EXOC6: variants seen among roughly 807,000 people sequenced by gnomAD.
The protein encoded by EXOC6 is exocyst complex component 6, also known as SEC15-like 1.
In EXOC6, 60 loss-of-function variants were observed where a neutral mutation model predicts 112.5. That is an observed-to-expected ratio of 0.53 (90% CI 0.43 to 0.66). The LOEUF (loss-of-function observed/expected upper bound fraction) is 0.66, where lower values mean the gene tolerates loss of function less well. EXOC6 is among the 30% of genes least tolerant of loss of function. EXOC6 has a pLI of 0.00. For synonymous variants in EXOC6, 295 were observed against 308.0 expected (o/e 0.96, Z 0.44); for missense variants, 855 against 957.1 (o/e 0.89, Z 1.41).
chr10:92,858,591 A>G (rs11814743), intron 1 of EXOC6, among the ~76,000 whole-genome samples: 3,356 of 152,236 alleles, frequency 0.022, 57 homozygotes, highest in African/African-American at 0.041. Context: ...GGAATTTCCA[A>G]TTATTAAAAA....
Position 92,985,519 on chromosome 10 carries a change from C to T in EXOC6, c.1953+11287C>T, listed in dbSNP as rs531003724. Among the ~76,000 whole-genome samples, 12 of 152,158 alleles carry T rather than the reference C, an allele frequency of 7.9e-5. No individual in the cohort carries two copies. The East Asian group carries it at 2.3e-3, about 29-fold the overall frequency. ...TCTATACTTTTTATTTTACTCGTAT[C>T]TCAGGATACGAGTAAACATTAACTT... On this transcript the variant is annotated intron_variant, in intron 18 of 21. Coordinates refer to ENST00000260762, the MANE Select transcript of EXOC6 (RefSeq NM_019053.6).
intron 20 of EXOC6, among the ~76,000 whole-genome samples, chr10:93,054,446 A>T (rs993369507): frequency 9.9e-5 from 15 of 152,250 alleles, no homozygotes; most frequent in African/African-American, 3.6e-4. Flanking sequence ...ATAAATATTT[A>T]TACAAAGATT....
chr10:93,041,234 T>C (rs1456518026), intron 20 of EXOC6, among the ~76,000 whole-genome samples: 2 of 141,008 alleles, frequency 1.4e-5, no homozygotes, highest in Non-Finnish European at 3.1e-5. Flanking sequence ...CTTGCCTACC[T>C]ATTCATCATT....
intron 1 of EXOC6, among the ~76,000 whole-genome samples, chr10:92,828,730 ATT>A (rs71028852): frequency 0.036 from 3,964 of 110,062 alleles, 167 homozygotes; most frequent in East Asian, 0.22. Context: ...GTGTGTGTGT[ATT>A]TTTTTTTTTT....
intron 12 of EXOC6, among the ~76,000 whole-genome samples, chr10:92,937,300 T>C (rs1852397430): frequency 6.6e-6 from 1 of 152,188 alleles, no homozygotes; most frequent in African/African-American, 2.4e-5. Flanking sequence ...TGAAAACTTT[T>C]CTGAGAGCAA....
At chr10:93,042,539 G>A (rs946403385) in intron 20 of EXOC6, among the ~76,000 whole-genome samples, 3 of 152,182 alleles carry the variant, frequency 2.0e-5, no homozygotes, top group Non-Finnish European at 4.4e-5. Context: ...GGGACTCAGA[G>A]TTTGTAACTC....
chr10:92,897,707 A>G (rs1849902409), intron 4 of EXOC6, among the ~76,000 whole-genome samples: 1 of 152,204 alleles, frequency 6.6e-6, no homozygotes, highest in Non-Finnish European at 1.5e-5. Flanking sequence ...TTGTATAAAA[A>G]TGCAGATTCA....
At chr10:93,040,646 A>T (rs1398526245) in intron 20 of EXOC6, among the ~76,000 whole-genome samples, 1 of 151,934 alleles carries the variant, frequency 6.6e-6, no homozygotes, top group African/African-American at 2.4e-5. Context: ...GATTATTCTT[A>T]TTTTCACATC....
At chr10:92,962,951 C>T (rs1004304830) in intron 17 of EXOC6, among the ~76,000 whole-genome samples, 2 of 152,140 alleles carry the variant, frequency 1.3e-5, no homozygotes, top group Admixed American at 6.6e-5. Flanking sequence ...GCCTGCCATA[C>T]TTATTCTTGT....
intron 19 of EXOC6, among the ~76,000 whole-genome samples, chr10:93,013,861 G>A (rs1005187681): frequency 6.6e-6 from 1 of 152,066 alleles, no homozygotes; most frequent in Non-Finnish European, 1.5e-5. Context: ...TTCTACAATC[G>A]TTCACCTAAG....
intron 5 of EXOC6, among the ~76,000 whole-genome samples, chr10:92,908,747 C>T (rs1398435476): frequency 6.6e-6 from 1 of 152,136 alleles, no homozygotes; most frequent in African/African-American, 2.4e-5. Flanking sequence ...AAATATATGT[C>T]AATTTATCTA....
Position 93,047,686 on chromosome 10 carries a change from G to A in EXOC6, c.2170-9238G>A, listed in dbSNP as rs568764808. Among the ~76,000 whole-genome samples, 6 of 152,182 alleles carry A rather than the reference G, an allele frequency of 3.9e-5. No individual in the cohort carries two copies. In the East Asian group the frequency reaches 9.7e-4, roughly 25 times the overall value. ...AGAGAGGCCAGGCACGGTGGCTCAC[G>A]CCTATAATCCTAGCATTTTGGGAGG... On this transcript the variant is annotated intron_variant, in intron 20 of 21. Coordinates refer to ENST00000260762, the MANE Select transcript of EXOC6 (RefSeq NM_019053.6).
At chr10:93,041,633 C>T (rs978201017) in intron 20 of EXOC6, among the ~76,000 whole-genome samples, 3 of 152,102 alleles carry the variant, frequency 2.0e-5, no homozygotes, top group African/African-American at 4.8e-5. Context: ...AGGTTGGTTT[C>T]GAACTCTTGA....
intron 7 of EXOC6, among the ~76,000 whole-genome samples, chr10:92,916,701 C>T (rs1361687371): frequency 1.3e-5 from 2 of 152,138 alleles, no homozygotes; most frequent in Admixed American, 1.3e-4. Context: ...TGCAGACATG[C>T]CAGAGACCAC....
chr10:93,042,309 A>AC (rs1288402903), intron 20 of EXOC6, among the ~76,000 whole-genome samples: 1 of 151,672 alleles, frequency 6.6e-6, no homozygotes, highest in Non-Finnish European at 1.5e-5. Context: ...TCTACTTCCC[A>AC]CCCCCTAAGC....
intron 18 of EXOC6, among the ~76,000 whole-genome samples, chr10:92,996,461 C>CA (rs1281681751): frequency 3.9e-5 from 6 of 152,006 alleles, no homozygotes; most frequent in East Asian, 1.9e-4. Flanking sequence ...ACTGAAAACA[C>CA]AAAAAATTAG....
At chr10:92,828,286 A>G (rs1181336041) in intron 1 of EXOC6, among the ~76,000 whole-genome samples, 1 of 152,154 alleles carries the variant, frequency 6.6e-6, no homozygotes. Flanking sequence ...TTTTCCTGAG[A>G]TGAGGTGGTC....
upstream of EXOC6, among the ~76,000 whole-genome samples, chr10:92,834,208 A>T (rs962370661): frequency 1.3e-5 from 2 of 152,000 alleles, no homozygotes; most frequent in African/African-American, 2.4e-5. Flanking sequence ...ATCACATCCC[A>T]TAGCACATTT....
intron 9 of EXOC6, among the ~76,000 whole-genome samples, chr10:92,930,185 G>A (rs927596980): frequency 6.6e-6 from 1 of 152,028 alleles, no homozygotes; most frequent in African/African-American, 2.4e-5. Context: ...TCATATTCTG[G>A]GCCATGAAAC....
Sources: allele counts gnomAD v4.1 joint callset (sites outside exome capture counted in the v4.1 genomes callset), GRCh38; gene constraint gnomAD v4.1.1; transcripts MANE v1.5; gene names NCBI Gene and HGNC (gene_info 2026-07-23, HGNC 2026-07-21).